Variants in ECT2 observed in about 807,000 individuals in gnomAD.
ECT2 encodes the protein epithelial cell transforming 2.
ECT2 carries 61 observed loss-of-function variants against 116.9 expected under a neutral mutation model. That is an observed-to-expected ratio of 0.52 (90% confidence interval 0.42 to 0.65). The LOEUF (loss-of-function observed/expected upper bound fraction) is 0.65, where lower values mean the gene tolerates loss of function less well. Among genes scored for constraint, ECT2 ranks in the 30% least tolerant of loss-of-function variants. ECT2 has a pLI of 0.00. For synonymous variants in ECT2, 358 were observed against 346.4 expected (o/e 1.03, Z -0.37); for missense variants, 937 against 1,078.7 (o/e 0.87, Z 1.84).
At chr3:172,758,031 T>G (rs561637243) in intron 5 of ECT2, among the ~76,000 whole-genome samples, 31 of 152,270 alleles carry the variant, frequency 2.0e-4, no homozygotes, top group Admixed American at 1.0e-3. Context: ...CTAAGTTTTT[T>G]CTATTTTTAG....
At chr3:172,795,190 G>T (rs1725397097) in intron 18 of ECT2, among the ~76,000 whole-genome samples, 1 of 151,836 alleles carries the variant, frequency 6.6e-6, no homozygotes, top group Non-Finnish European at 1.5e-5. Context: ...AGGCATGGTG[G>T]TGTGGTGTGC....
At chr3:172,758,600 A>G (rs1717564122) in intron 5 of ECT2, among the ~76,000 whole-genome samples, 2 of 152,156 alleles carry the variant, frequency 1.3e-5, no homozygotes, top group South Asian at 4.1e-4. Flanking sequence ...CTCAGTGTTT[A>G]TTATAAAATG....
chr3:172,818,691 G>C, intron 24 of ECT2: 1 of 1,288,990 alleles, frequency 7.8e-7, no homozygotes, highest in Non-Finnish European at 1.0e-6. Flanking sequence ...GTTTTTCAGA[G>C]ATACTAGAAG....
chr3:172,793,342 T>G (rs1280314731), intron 18 of ECT2, among the ~76,000 whole-genome samples: 3 of 151,910 alleles, frequency 2.0e-5, no homozygotes, highest in Non-Finnish European at 4.4e-5. Context: ...TTTTTGTATT[T>G]TTAGTAGAGA....
In ECT2 at chr3:172,788,110, A is replaced by G. The variant is rs372633259; in HGVS notation, c.1907+1536A>G. Among the ~76,000 whole-genome samples the G allele has an allele frequency of 1.8e-3, 269 of 152,312 alleles. 5 individuals are homozygous for G. Among genetic ancestry groups the G allele is most frequent in the African/African-American group, 6.3e-3 (261 of 41,562 alleles). ...TAATGTCGAATTGTGATGCTGATTA[A>G]TAAGCCTTATAGAATTTTACCAGAT... On this transcript the variant is annotated intron_variant, in intron 18 of 24. Transcript: ENST00000392692.
chr3:172,827,468 C>G, the ECT2 span, among the ~76,000 whole-genome samples: 1 of 152,154 alleles, frequency 6.6e-6, no homozygotes, highest in East Asian at 1.9e-4. Context: ...ATAAAACTCT[C>G]ATTTGCAACC....
intron 6 of ECT2, among the ~76,000 whole-genome samples, chr3:172,759,696 G>A (rs1031283877): frequency 1.3e-5 from 2 of 152,058 alleles, no homozygotes; most frequent in East Asian, 1.9e-4. Flanking sequence ...CGCTTGCCTC[G>A]GCCTCCCAAA....
chr3:172,789,881 A>C (rs540251121), intron 18 of ECT2, among the ~76,000 whole-genome samples: 1 of 152,218 alleles, frequency 6.6e-6, no homozygotes, highest in Non-Finnish European at 1.5e-5. Flanking sequence ...CATTTCTGCC[A>C]CATCTGCAAT....
intron 18 of ECT2, among the ~76,000 whole-genome samples, chr3:172,799,908 G>A (rs1421408144): frequency 6.6e-6 from 1 of 152,188 alleles, no homozygotes; most frequent in East Asian, 1.9e-4. Flanking sequence ...ATGGAACTCA[G>A]TGCTGGACTT....
intron 5 of ECT2, among the ~76,000 whole-genome samples, chr3:172,758,468 T>TACAC (rs138087804): frequency 0.13 from 20,053 of 150,584 alleles, 1,432 homozygotes; most frequent in Non-Finnish European, 0.16. Context: ...TTCTCTTTTA[T>TACAC]ACACACACAC....
chr3:172,799,341 A>G (rs538021076), intron 18 of ECT2, among the ~76,000 whole-genome samples: 1 of 152,214 alleles, frequency 6.6e-6, no homozygotes, highest in Non-Finnish European at 1.5e-5. Context: ...TTAATCAGAG[A>G]CATTCAAACT....
rs1470830805 is a variant in ECT2, at chr3:172,820,405, G to A, written c.*168G>A. The A allele has an allele frequency of 2.5e-6, 1 of 396,014 alleles. No individual in the cohort carries two copies. The highest frequency in any genetic ancestry group is 4.4e-6 in the Non-Finnish European group (1 of 226,230). 24.5% of individuals were successfully genotyped at this position (396,014 alleles called of 1,614,324 possible). A position where few individuals can be genotyped will look rare whatever the true frequency, so the allele number is the denominator to read the frequency against. On this transcript the variant is annotated 3_prime_UTR_variant, in exon 25 of 25. Coordinates refer to ENST00000392692, the MANE Select transcript of ECT2 (RefSeq NM_001258315.2). ...CTTCTTGAAAGAGTAAGGTTTACCT[G>A]TTACATTTTCAAGTTAATTCATGTA...
At chr3:172,761,083 G>A (rs62281209) in intron 7 of ECT2, among the ~76,000 whole-genome samples, 15,642 of 152,152 alleles carry the variant, frequency 0.1, 1,044 homozygotes, top group Non-Finnish European at 0.15. Context: ...GATTTAACTT[G>A]TGAATATTAT....
chr3:172,792,901 G>A (rs1013416308), intron 18 of ECT2, among the ~76,000 whole-genome samples: 14 of 151,942 alleles, frequency 9.2e-5, no homozygotes, highest in African/African-American at 3.4e-4. Flanking sequence ...TGTATTTTTT[G>A]TGGAGACAGG....
chr3:172,773,367 C>A (rs761331931), intron 13 of ECT2, among the ~76,000 whole-genome samples: 1 of 151,802 alleles, frequency 6.6e-6, no homozygotes, highest in Non-Finnish European at 1.5e-5. Context: ...ATGCACTGAC[C>A]TTGTGTCTTA....
chr3:172,753,327 C>G (rs1716308798), intron 1 of ECT2, among the ~76,000 whole-genome samples: 1 of 152,050 alleles, frequency 6.6e-6, no homozygotes, highest in African/African-American at 2.4e-5. Context: ...TGAAGTCCTG[C>G]CCTCAAGTGA....
At chr3:172,801,610 C>T (rs1048031529) in intron 18 of ECT2, among the ~76,000 whole-genome samples, 3 of 152,172 alleles carry the variant, frequency 2.0e-5, no homozygotes, top group Non-Finnish European at 4.4e-5. Flanking sequence ...AGTAATTTGC[C>T]CTGCGGACTA....
At chr3:172,754,365 CAG>C in intron 1 of ECT2, 142 bp from the exon 2 acceptor site, 1 of 544,092 alleles carries the variant, frequency 1.8e-6, no homozygotes, top group South Asian at 2.9e-5. Flanking sequence ...AACTGAGGCT[CAG>C]AGAAGGTCAG....
chr3:172,785,434 C>T (rs13083154), intron 17 of ECT2, among the ~76,000 whole-genome samples: 70,933 of 151,282 alleles, frequency 0.47, 19,699 homozygotes, highest in East Asian at 0.69. Flanking sequence ...CCGGTAATCC[C>T]AGCACTTTGG....
Sources: allele counts gnomAD v4.1 joint callset (sites outside exome capture counted in the v4.1 genomes callset), GRCh38; gene constraint gnomAD v4.1.1; transcripts MANE v1.5; gene names NCBI Gene and HGNC (gene_info 2026-07-23, HGNC 2026-07-21).